DEFB119: variants seen among roughly 807,000 people sequenced by gnomAD.
DEFB119 encodes the protein beta-defensin 119.
In DEFB119, 3 loss-of-function variants were observed where a neutral mutation model predicts 2.5. The observed-to-expected ratio is 1.19, with a 90% confidence interval of 0.54 to 3.07. DEFB119 has a LOEUF of 3.07. Among genes scored for constraint, DEFB119 ranks in the 30% most tolerant of loss-of-function variants. DEFB119 has a pLI of 0.03. For synonymous variants in DEFB119, 29 were observed against 33.7 expected, an observed-to-expected ratio of 0.86 and a Z score of 0.48; for missense variants, 113 against 101.1, an observed-to-expected ratio of 1.12 and a Z score of -0.50.
chr20:31,381,867 C>T (rs1395341833), intron 1 of DEFB119, among the ~76,000 whole-genome samples: 1 of 152,088 alleles, frequency 6.6e-6, no homozygotes, highest in Non-Finnish European at 1.5e-5. Context: ...CACAAACTCT[C>T]ACATATGATT....
intron 1 of DEFB119, 43 bp from the exon 2 acceptor site, chr20:31,377,482 G>A (rs1300523473): frequency 6.3e-7 from 1 of 1,578,762 alleles, no homozygotes; most frequent in Non-Finnish European, 8.6e-7. Context: ...TCACCTAGGA[G>A]TGACATAAAT....
At chr20:31,384,135 C>A (rs1269647086) in intron 1 of DEFB119, among the ~76,000 whole-genome samples, 1 of 152,130 alleles carries the variant, frequency 6.6e-6, no homozygotes, top group Admixed American at 6.5e-5. Flanking sequence ...CACTGAGAGA[C>A]TTGATCACCA....
intron 1 of DEFB119, among the ~76,000 whole-genome samples, chr20:31,386,195 T>C (rs1329121681): frequency 6.6e-6 from 1 of 151,812 alleles, no homozygotes; most frequent in African/African-American, 2.4e-5. Context: ...CATAGAGAAG[T>C]TTCCTACCAA....
chr20:31,380,625 AT>A (rs543316899), intron 1 of DEFB119, among the ~76,000 whole-genome samples: 181 of 148,506 alleles, frequency 1.2e-3, no homozygotes, highest in East Asian at 3.9e-3. Flanking sequence ...TTAGGTTTAG[AT>A]TTTTTTTTTT....
At chr20:31,378,985 T>G (rs1280690834) in intron 1 of DEFB119, among the ~76,000 whole-genome samples, 4 of 151,600 alleles carry the variant, frequency 2.6e-5, no homozygotes, top group African/African-American at 7.3e-5. Flanking sequence ...TTGCTTAGGC[T>G]GGAGTGCAGT....
At chr20:31,382,279 T>C (rs943004681) in intron 1 of DEFB119, among the ~76,000 whole-genome samples, 3 of 152,102 alleles carry the variant, frequency 2.0e-5, no homozygotes, top group African/African-American at 2.4e-5. Context: ...TAAGGGGCTA[T>C]AGAGAGATTA....
At chr20:31,386,495 A>C (rs73611992) in intron 1 of DEFB119, among the ~76,000 whole-genome samples, 14,642 of 152,304 alleles carry the variant, frequency 0.096, 962 homozygotes, top group Admixed American at 0.21. Context: ...CAAAAAAAGC[A>C]TGAAGTTCTG....
intron 1 of DEFB119, among the ~76,000 whole-genome samples, chr20:31,383,949 C>G (rs1256163071): frequency 1.3e-5 from 2 of 152,140 alleles, no homozygotes; most frequent in East Asian, 3.9e-4. Context: ...GTAAAATGTG[C>G]CTTTGCTTCT....
In DEFB119 at chr20:31,385,102, A is replaced by G. The variant is rs575375117; in HGVS notation, c.61+5321T>C. 1.6e-4 allele frequency among the ~76,000 whole-genome samples: 25 copies of G among 152,348 alleles called. No homozygotes were observed. The South Asian group carries it at 3.1e-3, about 19-fold the overall frequency. Reference sequence around the variant, plus strand: ...TTAGACCCCAGGAATACAAATTAACAAACTGCTAGACAAGACTATTATTCT... The same window carrying G: ...TTAGACCCCAGGAATACAAATTAACGAACTGCTAGACAAGACTATTATTCT... On this transcript the variant is annotated intron_variant, in intron 1 of 1. Coordinates refer to ENST00000376321, the MANE Select transcript of DEFB119 (RefSeq NM_153289.4).
At chr20:31,389,251 A>G in intron 1 of DEFB119, 1 of 1,613,832 alleles carries the variant, frequency 6.2e-7, no homozygotes, top group Non-Finnish European at 8.5e-7. Context: ...TATGAACAAC[A>G]ATTAAGCAGA....
chr20:31,386,474 C>T (rs945326344), intron 1 of DEFB119, among the ~76,000 whole-genome samples: 1 of 152,174 alleles, frequency 6.6e-6, no homozygotes, highest in African/African-American at 2.4e-5. Context: ...CAATGGAATA[C>T]TATTCGGCCA....
intron 1 of DEFB119, among the ~76,000 whole-genome samples, chr20:31,380,760 C>T (rs1380709897): frequency 6.6e-6 from 1 of 151,818 alleles, no homozygotes; most frequent in Non-Finnish European, 1.5e-5. Flanking sequence ...TTCTGAGTTC[C>T]CTATTCTGTT....
chr20:31,377,333 G>A lies in DEFB119; in HGVS notation c.168C>T (p.Cys56=), dbSNP rs774696849. 1.2e-6 allele frequency: 2 copies of A among 1,614,046 alleles called. No homozygotes were observed. Among genetic ancestry groups the A allele is most frequent in the Admixed American group, 1.7e-5 (1 of 60,002 alleles). Reference sequence around the variant, plus strand: ...TGCTTATCCTCATGTAGGACTGGAGGCAGCAGGACTGACAATTTCTGCAAT... The same window carrying A: ...TGCTTATCCTCATGTAGGACTGGAGACAGCAGGACTGACAATTTCTGCAAT... The part of the protein sequence containing the change: ...YLYCRNCQSC[C]LQSYMRISIS... Residue 56 remains cysteine, a synonymous_variant, in exon 2 of 2, where the codon TGC becomes TGT. Transcript: ENST00000376321.
At chr20:31,386,938 C>T (rs1254306567) in intron 1 of DEFB119, among the ~76,000 whole-genome samples, 2 of 151,700 alleles carry the variant, frequency 1.3e-5, no homozygotes, top group Admixed American at 6.6e-5. Context: ...CTCAGCCTCC[C>T]AAGTAGCTGG....
chr20:31,389,129 A>G, intron 1 of DEFB119: 2 of 1,614,212 alleles, frequency 1.2e-6, no homozygotes, highest in Non-Finnish European at 1.7e-6. Flanking sequence ...ATTGTTAAAT[A>G]ACGACTAGGA....
At chr20:31,377,552 A>G in intron 1 of DEFB119, 113 bp from the exon 2 acceptor site, 1 of 1,114,002 alleles carries the variant, frequency 9.0e-7, no homozygotes, top group Non-Finnish European at 1.3e-6. Context: ...AACCTAAAGG[A>G]CAATAGTGAC....
rs558719496 is a variant in DEFB119 at position 31,378,410 on chromosome 20, G to A, written c.62-971C>T. 2.1e-5 allele frequency: 34 copies of A among 1,613,800 alleles called. No individual in the cohort carries two copies. In the South Asian group the frequency reaches 3.5e-4, roughly 17 times the overall value. ...ACCAGAGCTGTATCAGAGGAGACAA[G>A]CCAACAAAGATCATTGAAATATGAT... On this transcript the variant is annotated intron_variant, in intron 1 of 1. Coordinates refer to ENST00000376321, the MANE Select transcript of DEFB119 (RefSeq NM_153289.4).
At chr20:31,387,513 G>T (rs1986752005) in intron 1 of DEFB119, among the ~76,000 whole-genome samples, 1 of 152,176 alleles carries the variant, frequency 6.6e-6, no homozygotes, top group Non-Finnish European at 1.5e-5. Flanking sequence ...GGTCAGGTTT[G>T]AATTTATAAT....
intron 1 of DEFB119, among the ~76,000 whole-genome samples, chr20:31,383,858 A>G (rs1249611490): frequency 6.6e-6 from 1 of 151,992 alleles, no homozygotes; most frequent in Non-Finnish European, 1.5e-5. Flanking sequence ...TAAATAAATA[A>G]ATAAATAAAT....
Sources: allele counts gnomAD v4.1 joint callset (sites outside exome capture counted in the v4.1 genomes callset), GRCh38; gene constraint gnomAD v4.1.1; transcripts MANE v1.5; gene names NCBI Gene and HGNC (gene_info 2026-07-23, HGNC 2026-07-21).